Variants in CLIP4 observed in about 807,000 individuals in gnomAD.
CLIP4 encodes the protein CAP-Gly domain-containing linker protein 4.
In CLIP4, 47 loss-of-function variants were observed where a neutral mutation model predicts 73.1. That is an observed-to-expected ratio of 0.64 (90% CI 0.51 to 0.82). CLIP4 has a LOEUF of 0.82. CLIP4 is among the 40% of genes least tolerant of loss of function. The pLI, the probability that CLIP4 is intolerant of heterozygous loss-of-function variation, is 0.00. For missense variants in CLIP4, 874 were observed against 852.9 expected (o/e 1.02, Z -0.31); for synonymous variants, 306 against 295.4 (o/e 1.04, Z -0.37).
chr2:29,159,728 A>G (rs921480275), intron 11 of CLIP4, among the ~76,000 whole-genome samples: 4 of 146,420 alleles, frequency 2.7e-5, no homozygotes, highest in African/African-American at 7.6e-5. Context: ...ATGACTTTTT[A>G]TATAATTTAC....
chr2:29,168,997 A>G (rs1030620715), intron 14 of CLIP4, among the ~76,000 whole-genome samples: 4 of 151,098 alleles, frequency 2.6e-5, no homozygotes, highest in Non-Finnish European at 5.9e-5. Flanking sequence ...ATAACCATCT[A>G]TGAAAAAATG....
At chr2:29,116,545 C>T (rs755752086) in intron 1 of CLIP4, among the ~76,000 whole-genome samples, 1 of 152,184 alleles carries the variant, frequency 6.6e-6, no homozygotes. Flanking sequence ...ATCTTGTGCA[C>T]AATTTAAAGT....
chr2:29,157,215 G>A lies in CLIP4; in HGVS notation c.1267G>A (p.Gly423Arg). 1 of 1,613,952 alleles carries A rather than the reference G, an allele frequency of 6.2e-7. No homozygotes were observed. The highest frequency in any genetic ancestry group is 8.5e-7 in the Non-Finnish European group (1 of 1,179,894). The change falls in exon 11 of 16, where the codon GGA becomes AGA. Residue 423 changes from glycine (G) to arginine (R), a missense_variant. Transcript: ENST00000320081. The part of the protein sequence containing the change: ...TVTEKDVALL[G>R]SVSSCSSTSS... Reference sequence around the variant, plus strand: ...TTTATCTGTTACAGTTGCCCTGCTTGGATCTGTCAGCAGCTGCTCCTCTAC... The same window carrying A: ...TTTATCTGTTACAGTTGCCCTGCTTAGATCTGTCAGCAGCTGCTCCTCTAC...
Position 29,182,842 on chromosome 2 carries a change from G to C in CLIP4, c.*949G>C, listed in dbSNP as rs1212322175. The C allele has an allele frequency of 6.6e-6, 1 of 152,378 alleles. No individual in the cohort carries two copies. The highest frequency in any genetic ancestry group is 1.5e-5 in the Non-Finnish European group (1 of 68,000). 9.4% of individuals were successfully genotyped at this position (152,378 alleles called of 1,614,324 possible). A position where few individuals can be genotyped will look rare whatever the true frequency, so the allele number is the denominator to read the frequency against. On this transcript the variant is annotated 3_prime_UTR_variant, in exon 16 of 16. Coordinates refer to ENST00000320081, the MANE Select transcript of CLIP4 (RefSeq NM_024692.6). The stretch of plus-strand genomic sequence containing the variant: ...AATAATTTACTGTCCTTTCCTCCTG[G>C]GATATGAGAAACATTTTAAAAAACG...
intron 2 of CLIP4, among the ~76,000 whole-genome samples, chr2:29,125,704 C>T (rs1348249880): frequency 1.3e-5 from 2 of 152,156 alleles, no homozygotes; most frequent in Admixed American, 6.5e-5. Context: ...TATTCCATTC[C>T]TCAGAGATCA....
chr2:29,145,480 G>T, intron 8 of CLIP4, 113 bp downstream of exon 8: 1 of 851,972 alleles, frequency 1.2e-6, no homozygotes. Flanking sequence ...ATAAATGAGG[G>T]GCATGTGGAT....
chr2:29,153,164 CT>C (rs987869115), intron 9 of CLIP4, among the ~76,000 whole-genome samples: 3 of 152,038 alleles, frequency 2.0e-5, no homozygotes, highest in African/African-American at 7.2e-5. Context: ...TTAGTGACTT[CT>C]TTTTTACCAA....
intron 2 of CLIP4, among the ~76,000 whole-genome samples, chr2:29,129,247 G>A (rs1452923): frequency 0.16 from 23,689 of 152,114 alleles, 2,469 homozygotes; most frequent in South Asian, 0.23. Flanking sequence ...TATGTCTAAT[G>A]CTGACAACTC....
intron 14 of CLIP4, among the ~76,000 whole-genome samples, chr2:29,170,672 C>A (rs1667946692): frequency 6.6e-6 from 1 of 152,272 alleles, no homozygotes; most frequent in Admixed American, 6.5e-5. Context: ...AAGTCATCAT[C>A]AAACCCAAGA....
At chr2:29,103,374 A>G (rs1668105651) in intron 1 of CLIP4, among the ~76,000 whole-genome samples, 1 of 151,824 alleles carries the variant, frequency 6.6e-6, no homozygotes, top group Non-Finnish European at 1.5e-5. Flanking sequence ...TTTAGTTTCT[A>G]AAACACCCAA....
At chr2:29,117,739 C>T (rs1391801749) in intron 1 of CLIP4, among the ~76,000 whole-genome samples, 1 of 152,196 alleles carries the variant, frequency 6.6e-6, no homozygotes, top group Admixed American at 6.5e-5. Flanking sequence ...CCTCTTGAAT[C>T]TGTGCTTTCA....
chr2:29,144,172 G>A (rs978660003), intron 7 of CLIP4, among the ~76,000 whole-genome samples: 3 of 151,834 alleles, frequency 2.0e-5, no homozygotes, highest in Non-Finnish European at 4.4e-5. Context: ...TTTGAATAAA[G>A]AGTGGAGTGG....
chr2:29,181,965 CTTTA>C lies in CLIP4; in HGVS notation c.*77_*80del, dbSNP rs1228519416. Reference sequence around the variant, plus strand: ...TAAAGAGTCCATGGTAAATGGTTTACTTTATTTAGCCATATTAAAATTTTGAAAA... The same window carrying C: ...TAAAGAGTCCATGGTAAATGGTTTACTTTAGCCATATTAAAATTTTGAAAA... On this transcript the variant is annotated 3_prime_UTR_variant, in exon 16 of 16. Transcript: ENST00000320081. 2.3e-5 allele frequency: 30 copies of C among 1,280,188 alleles called. No homozygotes were observed. The highest frequency in any genetic ancestry group is 2.9e-5 in the Non-Finnish European group (27 of 935,440). The allele number at this position is 1,280,188 out of a possible 1,614,324, so 79.3% of individuals were successfully genotyped here. A position where few individuals can be genotyped will look rare whatever the true frequency, so the allele number is the denominator to read the frequency against.
chr2:29,150,082 A>G (rs1666449568), intron 8 of CLIP4, among the ~76,000 whole-genome samples: 1 of 152,234 alleles, frequency 6.6e-6, no homozygotes, highest in Non-Finnish European at 1.5e-5. Context: ...TAGCTCTTAC[A>G]TAATAAAGGG....
At chr2:29,104,578 C>T (rs1439651861) in intron 1 of CLIP4, among the ~76,000 whole-genome samples, 2 of 152,220 alleles carry the variant, frequency 1.3e-5, no homozygotes, top group African/African-American at 4.8e-5. Context: ...TGAGCCACCA[C>T]GCCCAGCCTC....
At chr2:29,144,649 C>T (rs1666020126) in intron 7 of CLIP4, among the ~76,000 whole-genome samples, 3 of 151,966 alleles carry the variant, frequency 2.0e-5, no homozygotes, top group Admixed American at 2.0e-4. Context: ...AACCCGTCAT[C>T]TACATTAGGT....
intron 2 of CLIP4, among the ~76,000 whole-genome samples, chr2:29,129,248 C>G (rs1664811559): frequency 6.6e-6 from 1 of 152,156 alleles, no homozygotes; most frequent in Non-Finnish European, 1.5e-5. Context: ...ATGTCTAATG[C>G]TGACAACTCT....
chr2:29,122,349 C>T (rs1416958988), intron 2 of CLIP4, among the ~76,000 whole-genome samples: 1 of 151,232 alleles, frequency 6.6e-6, no homozygotes, highest in East Asian at 1.9e-4. Context: ...GCAGGTTTTG[C>T]AGTAATCAAC....
chr2:29,147,352 TA>T (rs1227322021), intron 8 of CLIP4, among the ~76,000 whole-genome samples: 1 of 152,152 alleles, frequency 6.6e-6, no homozygotes, highest in Non-Finnish European at 1.5e-5. Context: ...AATACATACT[TA>T]TGATATTAAG....
Sources: allele counts gnomAD v4.1 joint callset (sites outside exome capture counted in the v4.1 genomes callset), GRCh38; gene constraint gnomAD v4.1.1; transcripts MANE v1.5; gene names NCBI Gene and HGNC (gene_info 2026-07-23, HGNC 2026-07-21).